Variants in SLC4A4 observed in about 807,000 individuals in gnomAD.
The protein encoded by SLC4A4 is electrogenic sodium bicarbonate cotransporter 1.
Under a neutral mutation model 111.5 loss-of-function variants are expected in SLC4A4, and 27 were observed. The observed-to-expected ratio is 0.24, with a 90% confidence interval of 0.18 to 0.33. The LOEUF (loss-of-function observed/expected upper bound fraction) is 0.33. SLC4A4 is among the 10% of genes least tolerant of loss of function. SLC4A4 has a pLI of 1.00. For synonymous variants in SLC4A4, 443 were observed against 463.4 expected, an observed-to-expected ratio of 0.96 and a Z score of 0.57; for missense variants, 909 against 1,315.5, an observed-to-expected ratio of 0.69 and a Z score of 4.78.
At chr4:71,271,695 C>T (rs999102534) in intron 3 of SLC4A4, among the ~76,000 whole-genome samples, 1 of 152,046 alleles carries the variant, frequency 6.6e-6, no homozygotes, top group Admixed American at 6.6e-5. Context: ...TTGCTTGAGG[C>T]CATAGATAAG....
intron 2 of SLC4A4, among the ~76,000 whole-genome samples, chr4:71,114,721 C>A (rs1390589998): frequency 1.4e-5 from 2 of 144,726 alleles, no homozygotes; most frequent in Non-Finnish European, 3.0e-5. Flanking sequence ...AATAGGAACA[C>A]CTTTACACTG....
chr4:71,564,036 C>T (rs1447778019), intron 24 of SLC4A4, 147 bp downstream of exon 24: 4 of 644,442 alleles, frequency 6.2e-6, no homozygotes, highest in Non-Finnish European at 1.1e-5. Context: ...TATAATAAAA[C>T]TTTGTTTTTA....
chr4:71,555,311 T>A, intron 21 of SLC4A4, 103 bp downstream of exon 21: 1 of 823,960 alleles, frequency 1.2e-6, no homozygotes, highest in Non-Finnish European at 2.1e-6. Flanking sequence ...TATTAACTGC[T>A]GAGTTTTTAA....
At chr4:71,481,711 G>A (rs1303871215) in intron 14 of SLC4A4, among the ~76,000 whole-genome samples, 2 of 151,436 alleles carry the variant, frequency 1.3e-5, no homozygotes, top group East Asian at 3.9e-4. Flanking sequence ...GGCTAAGAAG[G>A]AAAAGTCACA....
chr4:71,261,241 G>A (rs1578700300), intron 3 of SLC4A4, among the ~76,000 whole-genome samples: 1 of 152,184 alleles, frequency 6.6e-6, no homozygotes. Context: ...CTCTTGTGCT[G>A]CTCTTTTTTG....
At chr4:71,251,037 G>T (rs1721034968) in intron 2 of SLC4A4, among the ~76,000 whole-genome samples, 1 of 152,152 alleles carries the variant, frequency 6.6e-6, no homozygotes, top group African/African-American at 2.4e-5. Flanking sequence ...TCATCTGTAT[G>T]TACAGTAAAC....
intron 8 of SLC4A4, among the ~76,000 whole-genome samples, chr4:71,443,834 A>G (rs978844459): frequency 6.6e-6 from 1 of 152,190 alleles, no homozygotes; most frequent in Non-Finnish European, 1.5e-5. Flanking sequence ...TTTGTGATTA[A>G]TTGTCAAAGC....
intron 6 of SLC4A4, among the ~76,000 whole-genome samples, chr4:71,397,256 A>C (rs189840442): frequency 8.5e-5 from 13 of 152,336 alleles, no homozygotes; most frequent in Admixed American, 5.2e-4. Flanking sequence ...TGTAAAGGGC[A>C]ATGACAAAGA....
chr4:71,109,006 T>A lies in SLC4A4; in HGVS notation c.-2+16214T>A, dbSNP rs184426758. On this transcript the variant is annotated intron_variant, in intron 2 of 26. Transcript: ENST00000649996. The stretch of plus-strand genomic sequence containing the variant: ...CAGGGACATTTTCTGTTGGTTTATA[T>A]ATATTTTTTCTTTAAATGGGCTATA... 5.9e-5 allele frequency among the ~76,000 whole-genome samples: 9 copies of A among 152,272 alleles called. No homozygotes were observed. In the East Asian group the frequency reaches 1.7e-3, roughly 29 times the overall value.
intron 3 of SLC4A4, among the ~76,000 whole-genome samples, chr4:71,314,433 T>C (rs1316775003): frequency 6.6e-6 from 1 of 152,144 alleles, no homozygotes; most frequent in Non-Finnish European, 1.5e-5. Flanking sequence ...ACCCAAAGGA[T>C]TATAAAACAT....
chr4:71,209,386 T>C (rs1717991549), intron 1 of SLC4A4, among the ~76,000 whole-genome samples: 1 of 152,218 alleles, frequency 6.6e-6, no homozygotes, highest in South Asian at 2.1e-4. Context: ...AACAGAATTC[T>C]ACAAGGATGT....
chr4:71,206,973 G>A (rs1420379640), intron 1 of SLC4A4, among the ~76,000 whole-genome samples: 2 of 152,108 alleles, frequency 1.3e-5, no homozygotes, highest in African/African-American at 4.8e-5. Flanking sequence ...TACTATGACT[G>A]TGGTCTTGGG....
At chr4:71,372,538 A>G (rs1346805068) in intron 6 of SLC4A4, among the ~76,000 whole-genome samples, 3 of 152,250 alleles carry the variant, frequency 2.0e-5, no homozygotes. Flanking sequence ...GACATCTAGC[A>G]GCCAGCATCA....
intron 18 of SLC4A4, among the ~76,000 whole-genome samples, chr4:71,541,736 G>C (rs763218794): frequency 1.4e-4 from 22 of 151,830 alleles, no homozygotes; most frequent in Non-Finnish European, 1.6e-4. Flanking sequence ...GGAGGTGGGT[G>C]GGGGGAGCTG....
chr4:71,487,899 T>G (rs988775619), intron 15 of SLC4A4, among the ~76,000 whole-genome samples: 1 of 151,578 alleles, frequency 6.6e-6, no homozygotes, highest in Non-Finnish European at 1.5e-5. Flanking sequence ...TGTTAAAGTC[T>G]TCTCTGACTT....
At chr4:71,138,343 T>C (rs1487804580) in intron 2 of SLC4A4, among the ~76,000 whole-genome samples, 1 of 152,168 alleles carries the variant, frequency 6.6e-6, no homozygotes, top group Non-Finnish European at 1.5e-5. Flanking sequence ...CAGGCAAACA[T>C]GATAAAGCAC....
chr4:71,210,228 C>G (rs183423783), intron 1 of SLC4A4, among the ~76,000 whole-genome samples: 223 of 152,298 alleles, frequency 1.5e-3, no homozygotes, highest in African/African-American at 5.2e-3. Flanking sequence ...TTCCTTTGGG[C>G]AAGCAGGAGC....
intron 1 of SLC4A4, among the ~76,000 whole-genome samples, chr4:71,075,723 A>G (rs1273402214): frequency 6.6e-6 from 1 of 152,056 alleles, no homozygotes; most frequent in Non-Finnish European, 1.5e-5. Context: ...TAATCCCAGC[A>G]TTTTGGGAGG....
At chr4:71,107,515 T>A (rs972627092) in intron 2 of SLC4A4, among the ~76,000 whole-genome samples, 4 of 151,746 alleles carry the variant, frequency 2.6e-5, no homozygotes, top group African/African-American at 9.7e-5. Flanking sequence ...CCCGGCTAAT[T>A]TTTTTGCATT....
Sources: gnomAD v4.1 joint callset for allele counts (sites outside exome capture counted in the v4.1 genomes callset) on GRCh38, gnomAD v4.1.1 for gene constraint, MANE v1.5 for transcripts, NCBI Gene and HGNC (gene_info 2026-07-23, HGNC 2026-07-21) for gene names.